Variants in PXDN observed in about 807,000 individuals in gnomAD.
The protein encoded by PXDN is peroxidasin homolog.
A neutral mutation model predicts 140.3 loss-of-function variants in PXDN; 77 were observed. The observed-to-expected ratio is 0.55, with a 90% CI of 0.46 to 0.66. PXDN has a LOEUF of 0.66. Ranked by LOEUF, PXDN falls within the 30% of genes least tolerant of loss-of-function variation. PXDN has a pLI of 0.00. For synonymous variants in PXDN, 911 were observed against 857.4 expected (o/e 1.06, Z -1.09); for missense variants, 1,838 against 2,039.5 (o/e 0.90, Z 1.90).
chr2:1,697,619 G>A (rs1294048044), intron 1 of PXDN, among the ~76,000 whole-genome samples: 1 of 152,050 alleles, frequency 6.6e-6, no homozygotes, highest in African/African-American at 2.4e-5. Flanking sequence ...TAACGGGGGG[G>A]GAAAAACTTC....
chr2:1,710,377 G>A lies in PXDN; in HGVS notation c.201-17243C>T, dbSNP rs115773718. ...GCCGCTGGGGGCTCAGCGTTTCTGG[G>A]GGACAGCTGGAGACAGCAGCACACG... On this transcript the variant is annotated intron_variant, in intron 1 of 22. Transcript: ENST00000252804. Among the ~76,000 whole-genome samples, 1,399 of 152,266 alleles carry A rather than the reference G, an allele frequency of 9.2e-3. 29 individuals carry two copies. The highest frequency in any genetic ancestry group is 0.032 in the African/African-American group (1,328 of 41,536).
intron 10 of PXDN, among the ~76,000 whole-genome samples, chr2:1,665,388 T>G (rs1411974180): frequency 6.6e-6 from 1 of 152,180 alleles, no homozygotes; most frequent in Non-Finnish European, 1.5e-5. Flanking sequence ...TTACAACGAT[T>G]CCTCTCAATC....
rs184138871 is a variant in PXDN at position 1,644,609 on chromosome 2, C to T, written c.3743+9G>A. The T allele has an allele frequency of 5.2e-4, 828 of 1,585,028 alleles. 1 individual carries two copies. Among genetic ancestry groups the T allele is most frequent in the African/African-American group, 1.5e-3 (109 of 74,134 alleles). ...GGAGCGTGCTCCCCTTTCTGGTGCA[C>T]GTGCTCACCTGTCCCCATCTCGCAG... On this transcript the variant is annotated intron_variant, in intron 18 of 22. Coordinates refer to ENST00000252804, the MANE Select transcript of PXDN (RefSeq NM_012293.3).
At chr2:1,681,213 C>G (rs189118700) in intron 6 of PXDN, among the ~76,000 whole-genome samples, 54 of 152,206 alleles carry the variant, frequency 3.5e-4, no homozygotes, top group African/African-American at 1.1e-3. Context: ...CGGGGAGAAG[C>G]CTGGCCCTCC....
intron 1 of PXDN, among the ~76,000 whole-genome samples, chr2:1,740,885 G>A (rs1432571086): frequency 6.6e-6 from 1 of 152,172 alleles, no homozygotes; most frequent in Non-Finnish European, 1.5e-5. Context: ...TGGCTGCCAT[G>A]CGCCTGCCTG....
At chr2:1,710,655 C>T (rs1432285598) in intron 1 of PXDN, among the ~76,000 whole-genome samples, 1 of 143,614 alleles carries the variant, frequency 7.0e-6, no homozygotes, top group African/African-American at 2.6e-5. Flanking sequence ...AACACCCACT[C>T]TCCACCAGCA....
chr2:1,724,457 T>A (rs1010932334), intron 1 of PXDN, among the ~76,000 whole-genome samples: 1 of 152,168 alleles, frequency 6.6e-6, no homozygotes, highest in Non-Finnish European at 1.5e-5. Context: ...CTGAGGAGGT[T>A]AGATAAGCAT....
Position 1,744,430 on chromosome 2 carries a change from C to A in PXDN, c.26G>T (p.Gly9Val), listed in dbSNP as rs1340887976. Residue 9 changes from glycine (G) to valine (V), a missense_variant, in exon 1 of 23, where the codon GGG becomes GTG. By Grantham distance (109) the Gly-to-Val change is moderately radical. Transcript: ENST00000252804. ...CACGAGCGCCAACAGGCAGCGGCGC[C>A]CGGGGCCCCTGGAGCGCTTGGCCAT... is the stretch of plus-strand genomic sequence containing the variant. MAKRSRGP[G>V]RRCLLALVLF... 6.6e-7 allele frequency: 1 copy of A among 1,505,586 alleles called. No individual in the cohort carries two copies. Among genetic ancestry groups the A allele is most frequent in the Non-Finnish European group, 8.8e-7 (1 of 1,134,436 alleles). The allele number at this position is 1,505,586 out of a possible 1,614,324, so 93.3% of individuals were successfully genotyped here.
At chr2:1,671,536 ATTT>A (rs1008921276) in intron 9 of PXDN, among the ~76,000 whole-genome samples, 9 of 152,204 alleles carry the variant, frequency 5.9e-5, no homozygotes, top group Non-Finnish European at 2.9e-5. Context: ...AAGCTGCTGT[ATTT>A]ATCTTACAAC....
chr2:1,728,934 C>T (rs932795342), intron 1 of PXDN, among the ~76,000 whole-genome samples: 1 of 152,202 alleles, frequency 6.6e-6, no homozygotes, highest in African/African-American at 2.4e-5. Flanking sequence ...CATTCTGGGG[C>T]TCTGCAGAAC....
At chr2:1,705,496 C>T (rs1461578558) in intron 1 of PXDN, among the ~76,000 whole-genome samples, 1 of 149,224 alleles carries the variant, frequency 6.7e-6, no homozygotes, top group Non-Finnish European at 1.5e-5. Context: ...GTGCAGGGTG[C>T]GGCTCCCCAC....
intron 11 of PXDN, 189 bp downstream of exon 11, chr2:1,664,769 A>G (rs1166045231): frequency 3.5e-6 from 2 of 571,182 alleles, no homozygotes; most frequent in Non-Finnish European, 6.2e-6. Flanking sequence ...AGGGACGGCC[A>G]TGCATGGACA....
At chr2:1,699,293 A>G (rs1249378490) in intron 1 of PXDN, among the ~76,000 whole-genome samples, 2 of 152,268 alleles carry the variant, frequency 1.3e-5, no homozygotes, top group Non-Finnish European at 2.9e-5. Flanking sequence ...AGCGGTCACT[A>G]AAGATTATGT....
At chr2:1,679,616 G>T (rs1572152824) in intron 7 of PXDN, among the ~76,000 whole-genome samples, 1 of 139,428 alleles carries the variant, frequency 7.2e-6, no homozygotes, top group Non-Finnish European at 1.5e-5. Context: ...TGTGTGTGTG[G>T]TTTGTGTCTG....
chr2:1,727,124 T>C (rs116113532), intron 1 of PXDN, among the ~76,000 whole-genome samples: 1,623 of 152,312 alleles, frequency 0.011, 20 homozygotes, highest in African/African-American at 0.034. Context: ...TGCATCCAAG[T>C]ATCTGCTTCA....
intron 1 of PXDN, among the ~76,000 whole-genome samples, chr2:1,718,529 C>G (rs1441037381): frequency 1.3e-5 from 2 of 152,184 alleles, no homozygotes; most frequent in Non-Finnish European, 2.9e-5. Context: ...CTACCCGAAG[C>G]TACTCTACTA....
In PXDN at chr2:1,639,684, T is replaced by C. The variant is rs7575438; in HGVS notation, c.3953-262A>G. ...GGACAGCTGGGCACACTGAGGAGGCTCACCACGCCATCTAACCACACCCTC... is the reference window on the plus strand; with the variant it reads ...GGACAGCTGGGCACACTGAGGAGGCCCACCACGCCATCTAACCACACCCTC... On this transcript the variant is annotated intron_variant, in intron 19 of 22. Coordinates refer to ENST00000252804, the MANE Select transcript of PXDN (RefSeq NM_012293.3). This position sits in a 1 kb window ranked among gnomAD's most constrained non-coding sequence, Gnocchi z 5.0. Among the ~76,000 whole-genome samples the C allele has an allele frequency of 0.35, 53,165 of 152,018 alleles. 9,401 individuals carry two copies. The highest frequency in any genetic ancestry group is 0.37 in the Middle Eastern group (108 of 292).
chr2:1,657,259 G>C lies in PXDN; in HGVS notation c.1838-2751C>G, dbSNP rs115910112. 1.9e-3 allele frequency among the ~76,000 whole-genome samples: 281 copies of C among 149,768 alleles called. 1 individual carries two copies. Among genetic ancestry groups the C allele is most frequent in the East Asian group, 0.011 (53 of 4,974 alleles). ...GACTGGAACCTGTCACCTTCAGACT[G>C]GGAACAGCCCCCTCCTGACTGAAAC... On this transcript the variant is annotated intron_variant, in intron 14 of 22. Transcript: ENST00000252804.
At chr2:1,717,154 C>T (rs775471149) in intron 1 of PXDN, among the ~76,000 whole-genome samples, 3 of 152,192 alleles carry the variant, frequency 2.0e-5, no homozygotes, top group Non-Finnish European at 4.4e-5. Context: ...CGTCTAGAAA[C>T]GCTGGCCATG....
Sources: gnomAD v4.1 joint callset for allele counts (sites outside exome capture counted in the v4.1 genomes callset) on GRCh38, gnomAD v4.1.1 for gene constraint, Gnocchi (gnomAD v3.1) non-coding constraint, MANE v1.5 for transcripts, NCBI Gene and HGNC (gene_info 2026-07-23, HGNC 2026-07-21) for gene names.